The following PCDHGA10 variants were observed in gnomAD, a reference collection of about 807,000 sequenced individuals.
PCDHGA10 encodes protocadherin gamma-A10.
In PCDHGA10, 42 loss-of-function variants were observed where a neutral mutation model predicts 59.5. The ratio of observed to expected loss-of-function variants is 0.71; its 90% CI spans 0.55 to 0.91. PCDHGA10 has a LOEUF of 0.91. Ranked by LOEUF, PCDHGA10 falls within the 40% of genes least tolerant of loss-of-function variation. The probability of loss-of-function intolerance (pLI) is 0.00; values close to 1 mark genes in which losing one functional copy is unlikely to be tolerated. For synonymous variants in PCDHGA10, 511 were observed against 517.2 expected (o/e 0.99, Z 0.16); for missense variants, 1,111 against 1,198.2 (o/e 0.93, Z 1.07).
At chr5:141,422,865 C>A in intron 1 of PCDHGA10, 6 of 1,614,244 alleles carry the variant, frequency 3.7e-6, no homozygotes, top group Non-Finnish European at 5.1e-6. Flanking sequence ...TCAGCAGCAA[C>A]GTGTCGCTGA....
At chr5:141,474,345 G>A (rs541613646) in intron 1 of PCDHGA10, among the ~76,000 whole-genome samples, 7 of 152,124 alleles carry the variant, frequency 4.6e-5, no homozygotes, top group African/African-American at 7.2e-5. Flanking sequence ...TTGTTAAAAT[G>A]TAAGTCATGT....
At chr5:141,422,690 T>G (rs1384522137) in intron 1 of PCDHGA10, 1 of 1,603,908 alleles carries the variant, frequency 6.2e-7, no homozygotes, top group Admixed American at 1.7e-5. Context: ...AATGCCCTGG[T>G]CACTTACTCT....
Position 141,415,576 on chromosome 5 carries a change from T to C in PCDHGA10, c.2401T>C (p.Ser801Pro), listed in dbSNP as rs182127695. 9.5e-5 allele frequency: 153 copies of C among 1,614,182 alleles called. No individual in the cohort carries two copies. The Admixed American group carries it at 1.6e-3, about 17-fold the overall frequency. Reference protein sequence around the residue: ...KNDPLSLLDDSKFPIEDTPLV... With the variant: ...KNDPLSLLDDPKFPIEDTPLV... Reference sequence around the variant, plus strand: ...CGATCCTTTGTCTTTGTTAGATGATTCGAAGTTTCCTATAGAGGATACCCC... The same window carrying C: ...CGATCCTTTGTCTTTGTTAGATGATCCGAAGTTTCCTATAGAGGATACCCC... The change falls in exon 1 of 4, where the codon TCG becomes CCG. Residue 801 changes from serine to proline, a missense_variant. Transcript: ENST00000398610.
chr5:141,458,463 C>T (rs749353395), intron 1 of PCDHGA10, among the ~76,000 whole-genome samples: 15 of 151,844 alleles, frequency 9.9e-5, no homozygotes, highest in Admixed American at 8.5e-4. Flanking sequence ...TTTAAAATAC[C>T]GTACAACTGC....
At chr5:141,488,564 G>T (rs1047904416) in intron 1 of PCDHGA10, among the ~76,000 whole-genome samples, 1 of 152,154 alleles carries the variant, frequency 6.6e-6, no homozygotes, top group African/African-American at 2.4e-5. Context: ...TGAGATTTCC[G>T]CAAAGCATTG....
At chr5:141,440,382 C>T (rs898655247) in intron 1 of PCDHGA10, 2 of 152,178 alleles carry the variant, frequency 1.3e-5, no homozygotes, top group Non-Finnish European at 2.9e-5. Context: ...AGGAGAATCG[C>T]TTGAACCCGA....
chr5:141,427,768 A>C (rs1003238906), intron 1 of PCDHGA10: 4 of 1,393,994 alleles, frequency 2.9e-6, no homozygotes, highest in Non-Finnish European at 4.0e-6. Context: ...ACTGACTTGG[A>C]GCTGCGGGCA....
chr5:141,438,599 T>C (rs1320902737), intron 1 of PCDHGA10, among the ~76,000 whole-genome samples: 17 of 32,510 alleles, frequency 5.2e-4, no homozygotes, highest in African/African-American at 6.7e-4. Flanking sequence ...TACATATATA[T>C]ATATATATAT....
At chr5:141,464,223 CCACTGCA>C (rs916210777) in intron 1 of PCDHGA10, among the ~76,000 whole-genome samples, 4 of 150,824 alleles carry the variant, frequency 2.7e-5, no homozygotes, top group Non-Finnish European at 4.4e-5. Flanking sequence ...TGAGATTGCG[CCACTGCA>C]CTCCAGCCTG....
In PCDHGA10 at chr5:141,476,737, G is replaced by A. The variant is rs1420138912; in HGVS notation, c.2437-18070G>A. ...AGCGCGCCCTGGACCGAGAACGGGA[G>A]CCTAGTCTCCAGTTAGTGCTGACGG... is the stretch of plus-strand genomic sequence containing the variant. On this transcript the variant is annotated intron_variant, in intron 1 of 3. Coordinates refer to ENST00000398610, the MANE Select transcript of PCDHGA10 (RefSeq NM_018913.3). This position sits in a 1 kb window ranked among gnomAD's most constrained non-coding sequence, Gnocchi z 7.6. The A allele has an allele frequency of 3.1e-6, 5 of 1,613,982 alleles. No individual in the cohort carries two copies. Among genetic ancestry groups the A allele is most frequent in the Non-Finnish European group, 4.2e-6 (5 of 1,180,038 alleles).
intron 1 of PCDHGA10, chr5:141,420,339 T>C: frequency 7.2e-7 from 1 of 1,395,458 alleles, no homozygotes; most frequent in Non-Finnish European, 9.6e-7. Context: ...TCCAATATAG[T>C]GGTATTATTT....
chr5:141,455,406 C>A (rs991797932), intron 1 of PCDHGA10, among the ~76,000 whole-genome samples: 1 of 152,108 alleles, frequency 6.6e-6, no homozygotes, highest in Non-Finnish European at 1.5e-5. Flanking sequence ...CTTACAGAGA[C>A]AGAGGGAGCG....
Position 141,421,262 on chromosome 5 carries a change from G to GGCTGCT in PCDHGA10, c.2436+5662_2436+5667dup, listed in dbSNP as rs748368476. 11 of 1,609,598 alleles carry GGCTGCT rather than the reference G, an allele frequency of 6.8e-6. No individual in the cohort carries two copies. The Admixed American group carries it at 8.4e-5, about 12-fold the overall frequency. ...CGGCTACAGCGCGGGGACCGCAGTC[G>GGCTGCT]GCTGCTGCTGCTGCTGTGCATTTTC... is the stretch of plus-strand genomic sequence containing the variant. On this transcript the variant is annotated intron_variant, in intron 1 of 3. Coordinates refer to ENST00000398610, the MANE Select transcript of PCDHGA10 (RefSeq NM_018913.3).
At position 141,487,385 on chromosome 5, in the gene PCDHGA10, CGAA is replaced by C; in HGVS notation, c.2437-7420_2437-7418del. 6.2e-7 allele frequency: 1 copy of C among 1,614,160 alleles called. No individual in the cohort carries two copies. The highest frequency in any genetic ancestry group is 8.5e-7 in the Non-Finnish European group (1 of 1,180,046). On this transcript the variant is annotated intron_variant, in intron 1 of 3. Coordinates refer to ENST00000398610, the MANE Select transcript of PCDHGA10 (RefSeq NM_018913.3). The surrounding 1 kb of genome is among the most constrained non-coding windows in gnomAD (Gnocchi z 5.0). ...CACCTGTGCCTGTCTCACCAGATCTCGAAGGAGGGAGGGGCTTCCCCCTTCCAA... is the reference window on the plus strand; with the variant it reads ...CACCTGTGCCTGTCTCACCAGATCTCGGAGGGAGGGGCTTCCCCCTTCCAA...
chr5:141,505,513 G>A lies in PCDHGA10; in HGVS notation c.2584+32G>A, dbSNP rs1157816684. ...GGTGTCAGTGTGTGTATGGAAGAGT[G>A]GGAGACCTGGGGTTCTGGGGTGCAT... On this transcript the variant is annotated intron_variant, in intron 3 of 3. Coordinates refer to ENST00000398610, the MANE Select transcript of PCDHGA10 (RefSeq NM_018913.3). The A allele has an allele frequency of 3.1e-6, 5 of 1,613,710 alleles. No homozygotes were observed. In the South Asian group the frequency reaches 3.3e-5, roughly 11 times the overall value.
Position 141,505,473 on chromosome 5 carries a change from C to T in PCDHGA10, c.2576C>T (p.Ser859Phe). The change falls in exon 3 of 4, where the codon TCC (serine) becomes TTC (phenylalanine). Residue 859 changes from serine to phenylalanine, a missense_variant. Transcript: ENST00000398610. Reference sequence around the variant, plus strand: ...ATGCTGCAAGCCATGATCTTGGCGTCCGCCAGTGGTAAGTGGTGTCAGTGT... The same window carrying T: ...ATGCTGCAAGCCATGATCTTGGCGTTCGCCAGTGGTAAGTGGTGTCAGTGT... ...TEMLQAMILA[S>F]ASEAADGSST... is the part of the protein sequence containing the mutation. The T allele has an allele frequency of 6.2e-7, 1 of 1,614,188 alleles. No homozygotes were observed. Among genetic ancestry groups the T allele is most frequent in the Non-Finnish European group, 8.5e-7 (1 of 1,180,014 alleles).
chr5:141,470,718 G>A (rs916720866), intron 1 of PCDHGA10, among the ~76,000 whole-genome samples: 2 of 152,022 alleles, frequency 1.3e-5, no homozygotes, highest in Non-Finnish European at 2.9e-5. Flanking sequence ...ATTTTTTTGA[G>A]TCAGGGTCTT....
chr5:141,451,532 G>T (rs1168984212), intron 1 of PCDHGA10, among the ~76,000 whole-genome samples: 1 of 152,180 alleles, frequency 6.6e-6, no homozygotes, highest in African/African-American at 2.4e-5. Flanking sequence ...AAAGGAGAGT[G>T]CCAGAGAGGG....
At chr5:141,492,778 G>A (rs2099743821) in intron 1 of PCDHGA10, among the ~76,000 whole-genome samples, 1 of 152,250 alleles carries the variant, frequency 6.6e-6, no homozygotes, top group South Asian at 2.1e-4. Context: ...GAGTGAGTGA[G>A]CCTCTATAGG....
Sources: gnomAD v4.1 joint callset for allele counts (sites outside exome capture counted in the v4.1 genomes callset) on GRCh38, gnomAD v4.1.1 for gene constraint, Gnocchi (gnomAD v3.1) non-coding constraint, MANE v1.5 for transcripts, NCBI Gene and HGNC (gene_info 2026-07-23, HGNC 2026-07-21) for gene names.